Variants in CLIC6 observed in about 807,000 individuals in gnomAD.
CLIC6 encodes the protein CLIC family member 6.
A neutral mutation model predicts 49.2 loss-of-function variants in CLIC6; 39 were observed. The observed-to-expected ratio is 0.79, with a 90% CI of 0.61 to 1.04. The LOEUF is 1.04. CLIC6 is among the 50% of genes least tolerant of loss of function. The pLI, the probability that CLIC6 is intolerant of heterozygous loss-of-function variation, is 0.00. For synonymous variants in CLIC6, 446 were observed against 433.4 expected (o/e 1.03, Z -0.36); for missense variants, 988 against 993.1 (o/e 0.99, Z 0.07).
intron 1 of CLIC6, among the ~76,000 whole-genome samples, chr21:34,684,842 G>C (rs1989845618): frequency 1.3e-5 from 2 of 152,352 alleles, no homozygotes; most frequent in South Asian, 4.1e-4. Context: ...CCTTTCTGCA[G>C]TTATTTCTTT....
Position 34,670,728 on chromosome 21 carries a change from T to G in CLIC6, c.1340T>G (p.Leu447Arg), listed in dbSNP as rs1053076146. The change falls in exon 1 of 6, where the codon CTG becomes CGG. Residue 447 changes from leucine (L) to arginine (R), a missense_variant. Leu to Arg is a moderately radical substitution (Grantham distance 102, BLOSUM62 -2). This residue lies in a region of CLIC6 where 647 missense variants were observed against 596.9 expected (regional missense o/e 1.08). Coordinates refer to ENST00000349499, the MANE Select transcript of CLIC6 (RefSeq NM_053277.3). ...EDGEASEPRA[L>R]GQEHDITLFV... ...GGAGAGGCGTCCGAGCCCCGGGCCC[T>G]GGGGCAGGAGCACGACATCACCCTC... 1.9e-6 allele frequency: 3 copies of G among 1,599,954 alleles called. No individual in the cohort carries two copies. The African/African-American group carries it at 4.0e-5, about 21-fold the overall frequency.
intron 1 of CLIC6, among the ~76,000 whole-genome samples, chr21:34,693,271 T>A (rs919172755): frequency 6.6e-6 from 1 of 152,174 alleles, no homozygotes; most frequent in Non-Finnish European, 1.5e-5. Context: ...GAAAATCCTG[T>A]GTAGCAGGGA....
rs1322809427 is a variant in CLIC6, at chr21:34,681,436, CA to C, written c.1374+10675del. Among the ~76,000 whole-genome samples, 5 of 152,168 alleles carry C rather than the reference CA, an allele frequency of 3.3e-5. No individual in the cohort carries two copies. In the South Asian group the frequency reaches 8.3e-4, roughly 25 times the overall value. On this transcript the variant is annotated intron_variant, in intron 1 of 5. Coordinates refer to ENST00000349499, the MANE Select transcript of CLIC6 (RefSeq NM_053277.3). Reference sequence around the variant, plus strand: ...TGGGTAGTTCTGGCTCATGTGGTTGCAGTGAGGATGTCAGTCAGAGCTGTGA... The same window carrying C: ...TGGGTAGTTCTGGCTCATGTGGTTGCGTGAGGATGTCAGTCAGAGCTGTGA...
chr21:34,680,297 G>A (rs527956280), intron 1 of CLIC6, among the ~76,000 whole-genome samples: 1 of 152,326 alleles, frequency 6.6e-6, no homozygotes, highest in African/African-American at 2.4e-5. Context: ...GCCATGGCTG[G>A]AGCAGCTGGG....
At chr21:34,710,245 T>C (rs1225757753) in intron 5 of CLIC6, among the ~76,000 whole-genome samples, 2 of 152,140 alleles carry the variant, frequency 1.3e-5, no homozygotes, top group Non-Finnish European at 2.9e-5. Context: ...GGCACTGCAC[T>C]CTGGCCTGGG....
At position 34,669,104 on chromosome 21, in the gene CLIC6, C is replaced by G. The variant is rs1601252251; in HGVS notation, c.-285C>G. 6.6e-6 allele frequency among the ~76,000 whole-genome samples: 1 copy of G among 152,214 alleles called. No individual in the cohort carries two copies. Among genetic ancestry groups the G allele is most frequent in the East Asian group, 1.9e-4 (1 of 5,190 alleles). On this transcript the variant is annotated 5_prime_UTR_variant, in exon 1 of 6. Transcript: ENST00000349499. ...CGGCCCGCGGGCGAGATTGGGGTCC[C>G]GGTGGGAAGCAGACGCGCAATCGGG...
chr21:34,709,344 C>T lies in CLIC6; in HGVS notation c.1718-13C>T, dbSNP rs1362489742. On this transcript the variant is annotated splice_polypyrimidine_tract_variant and intron_variant, in intron 4 of 5. Transcript: ENST00000349499. ...CAAACCTCTCTTTGTGATTTCTTGC[C>T]CTTCTGTTTTAGTTCATGAAAAGAA... 15 of 1,604,912 alleles carry T rather than the reference C, an allele frequency of 9.3e-6. No individual in the cohort carries two copies. Among genetic ancestry groups the T allele is most frequent in the South Asian group, 1.1e-5 (1 of 90,350 alleles).
intron 4 of CLIC6, 28 bp downstream of exon 4, chr21:34,708,834 T>A: frequency 6.6e-7 from 1 of 1,506,224 alleles, no homozygotes; most frequent in Non-Finnish European, 9.2e-7. Context: ...TCCTGTTTTG[T>A]TTCAACACAG....
At chr21:34,690,694 C>G (rs1344805727) in intron 1 of CLIC6, among the ~76,000 whole-genome samples, 3 of 152,112 alleles carry the variant, frequency 2.0e-5, no homozygotes, top group Non-Finnish European at 4.4e-5. Flanking sequence ...ACAACTGCCC[C>G]CTTTGAAAAC....
At chr21:34,713,959 G>A (rs1281490056) in intron 5 of CLIC6, among the ~76,000 whole-genome samples, 1 of 152,156 alleles carries the variant, frequency 6.6e-6, no homozygotes, top group Non-Finnish European at 1.5e-5. Flanking sequence ...ACTGGCCCCA[G>A]ATGTCTTCAT....
chr21:34,688,439 C>T (rs890967019), intron 1 of CLIC6, among the ~76,000 whole-genome samples: 2 of 152,206 alleles, frequency 1.3e-5, no homozygotes, highest in African/African-American at 2.4e-5. Flanking sequence ...GCTGGCGTTC[C>T]CCTGGCCTTA....
intron 1 of CLIC6, among the ~76,000 whole-genome samples, chr21:34,697,163 C>T (rs1990102735): frequency 6.6e-6 from 1 of 152,084 alleles, no homozygotes; most frequent in South Asian, 2.1e-4. Flanking sequence ...GGGTGGTGCC[C>T]TTTGGTCTGG....
At chr21:34,672,923 G>C (rs951585952) in intron 1 of CLIC6, among the ~76,000 whole-genome samples, 1 of 152,204 alleles carries the variant, frequency 6.6e-6, no homozygotes, top group South Asian at 2.1e-4. Context: ...AATAAGCTTA[G>C]TACACATGTG....
Position 34,670,341 on chromosome 21 carries a change from G to C in CLIC6, c.953G>C (p.Ser318Thr). Residue 318 changes from serine (S) to threonine (T), a missense_variant, in exon 1 of 6, where the codon AGT becomes ACT. By Grantham distance (58) the Ser-to-Thr change is moderately conservative. Transcript: ENST00000349499. Reference sequence around the variant, plus strand: ...GCAATTGAGGTCGCAGCCGGGGAGAGTGCGGGGCGCAGCCCCGGTGAGCTC... The same window carrying C: ...GCAATTGAGGTCGCAGCCGGGGAGACTGCGGGGCGCAGCCCCGGTGAGCTC... ...AEAIEVAAGE[S>T]AGRSPGELAW... 1.4e-6 allele frequency: 2 copies of C among 1,451,858 alleles called. No homozygotes were observed. The highest frequency in any genetic ancestry group is 5.3e-5 in the East Asian group (2 of 37,822). The allele number at this position is 1,451,858 out of a possible 1,614,324, so 89.9% of individuals were successfully genotyped here.
intron 1 of CLIC6, among the ~76,000 whole-genome samples, chr21:34,698,044 G>A (rs527471004): frequency 4.7e-4 from 72 of 152,212 alleles, no homozygotes; most frequent in African/African-American, 1.7e-3. Flanking sequence ...GGGTTTCGCT[G>A]TCTCTATAGG....
At position 34,708,747 on chromosome 21, in the gene CLIC6, A is replaced by G. The variant is rs1214140786; in HGVS notation, c.1658A>G (p.Asn553Ser). The G allele has an allele frequency of 3.1e-6, 5 of 1,614,096 alleles. No homozygotes were observed. Among genetic ancestry groups the G allele is most frequent in the Non-Finnish European group, 4.2e-6 (5 of 1,180,024 alleles). The change falls in exon 4 of 6, where the codon AAT (asparagine) becomes AGT (serine). Residue 553 changes from asparagine to serine, a missense_variant. Coordinates refer to ENST00000349499, the MANE Select transcript of CLIC6 (RefSeq NM_053277.3). Reference protein sequence around the residue: ...TQHPESNSAGNDVFAKFSAFI... With the variant: ...TQHPESNSAGSDVFAKFSAFI... ...CATCCCGAATCTAATTCCGCAGGAA[A>G]TGACGTGTTTGCCAAATTCTCAGCG...
intron 2 of CLIC6, 53 bp from the exon 3 acceptor site, chr21:34,707,891 T>G: frequency 6.2e-7 from 1 of 1,604,660 alleles, no homozygotes; most frequent in African/African-American, 1.3e-5. Context: ...GCCCTGGAAA[T>G]GAGTCCAGAT....
chr21:34,669,803 G>A lies in CLIC6; in HGVS notation c.415G>A (p.Glu139Lys), dbSNP rs1023371257. The A allele has an allele frequency of 1.4e-6, 2 of 1,424,260 alleles. No individual in the cohort carries two copies. Among genetic ancestry groups the A allele is most frequent in the African/African-American group, 1.5e-5 (1 of 65,974 alleles). 88.2% of individuals were successfully genotyped at this position (1,424,260 alleles called of 1,614,324 possible). Residue 139 changes from glutamate to lysine, a missense_variant, in exon 1 of 6, where the codon GAG becomes AAG. Transcript: ENST00000349499. ...GGACTCTGCGGCCCCCGAGAGGCAG[G>A]AGGAGGCGGAGCAGAGGCCTGAGGT... Reference protein sequence around the residue: ...PEDSAAPERQEEAEQRPEVPE... With the variant: ...PEDSAAPERQKEAEQRPEVPE...
At position 34,709,270 on chromosome 21, in the gene CLIC6, G is replaced by A. The variant is rs2056038732; in HGVS notation, c.1718-87G>A. ...TTGCTTGCTGGCCACATCTCAGCGA[G>A]GAAGGGAAGCAAACTCCATCACAGC... On this transcript the variant is annotated intron_variant, in intron 4 of 5. Coordinates refer to ENST00000349499, the MANE Select transcript of CLIC6 (RefSeq NM_053277.3). 1.5e-5 allele frequency: 18 copies of A among 1,215,012 alleles called. No homozygotes were observed. The South Asian group carries it at 2.0e-4, about 14-fold the overall frequency. The allele number at this position is 1,215,012 out of a possible 1,614,324, so 75.3% of individuals were successfully genotyped here.
Sources: gnomAD v4.1 joint callset for allele counts (sites outside exome capture counted in the v4.1 genomes callset) on GRCh38, gnomAD v4.1.1 for gene constraint, gnomAD v4.1.1 regional missense constraint, MANE v1.5 for transcripts, NCBI Gene and HGNC (gene_info 2026-07-23, HGNC 2026-07-21) for gene names.